ADGB: variants seen among roughly 807,000 people sequenced by gnomAD.
ADGB encodes the protein androglobin, also known as calpain-7-like protein.
A neutral mutation model predicts 210.5 loss-of-function variants in ADGB; 172 were observed. That is an observed-to-expected ratio of 0.82 (90% CI 0.72 to 0.93). The LOEUF is 0.93. ADGB is among the 40% of genes least tolerant of loss of function. The pLI is 0.00. For missense variants in ADGB, 2,025 were observed against 1,964.8 expected (o/e 1.03, Z -0.58); for synonymous variants, 658 against 662.7 (o/e 0.99, Z 0.11).
intron 13 of ADGB, among the ~76,000 whole-genome samples, chr6:146,705,189 A>T (rs915786413): frequency 6.6e-6 from 1 of 152,128 alleles, no homozygotes; most frequent in South Asian, 2.1e-4. Context: ...AGGATTTTTA[A>T]TGGGGTTTTA....
intron 26 of ADGB, among the ~76,000 whole-genome samples, chr6:146,752,175 G>T (rs1389936066): frequency 2.6e-5 from 4 of 152,060 alleles, no homozygotes; most frequent in Non-Finnish European, 5.9e-5. Context: ...AGTGTCTAGG[G>T]AGGCCTCAGG....
chr6:146,742,860 A>G (rs1777179666), intron 25 of ADGB, among the ~76,000 whole-genome samples: 1 of 152,176 alleles, frequency 6.6e-6, no homozygotes, highest in Non-Finnish European at 1.5e-5. Context: ...AAACTTTCTT[A>G]AAACACTATG....
intron 13 of ADGB, among the ~76,000 whole-genome samples, chr6:146,713,485 G>A: frequency 6.6e-6 from 1 of 152,180 alleles, no homozygotes; most frequent in South Asian, 2.1e-4. Context: ...TATTCCTCTA[G>A]TGATTCATGA....
At chr6:146,711,739 G>A (rs1453637251) in intron 13 of ADGB, among the ~76,000 whole-genome samples, 1 of 152,002 alleles carries the variant, frequency 6.6e-6, no homozygotes, top group Non-Finnish European at 1.5e-5. Context: ...ATTTAAAGAT[G>A]ACATTCTGGG....
chr6:146,775,426 T>A (rs972643407), intron 29 of ADGB, among the ~76,000 whole-genome samples: 4 of 152,106 alleles, frequency 2.6e-5, no homozygotes, highest in Admixed American at 2.0e-4. Flanking sequence ...AAACCTAAGT[T>A]TTGGTAAAAA....
intron 9 of ADGB, among the ~76,000 whole-genome samples, chr6:146,681,802 G>A (rs1776162034): frequency 6.6e-6 from 1 of 152,072 alleles, no homozygotes; most frequent in South Asian, 2.1e-4. Context: ...AAGTGGGCCG[G>A]AACACATTCG....
chr6:146,711,064 A>C (rs1055865212), intron 13 of ADGB, among the ~76,000 whole-genome samples: 3 of 151,350 alleles, frequency 2.0e-5, no homozygotes, highest in Admixed American at 6.6e-5. Flanking sequence ...GATTTAGCTC[A>C]CCTGAACTCA....
At chr6:146,744,581 C>A (rs1278245177) in intron 25 of ADGB, among the ~76,000 whole-genome samples, 3 of 152,170 alleles carry the variant, frequency 2.0e-5, no homozygotes, top group Admixed American at 6.5e-5. Context: ...TATTATTAAA[C>A]TTACTAATCT....
At chr6:146,637,345 C>T (rs768038547) in intron 2 of ADGB, among the ~76,000 whole-genome samples, 1 of 151,940 alleles carries the variant, frequency 6.6e-6, no homozygotes, top group Non-Finnish European at 1.5e-5. Context: ...TGAACCAAAA[C>T]CCCAGGGCTA....
chr6:146,615,659 G>C (rs1263585059), intron 1 of ADGB, among the ~76,000 whole-genome samples: 1 of 151,952 alleles, frequency 6.6e-6, no homozygotes, highest in Non-Finnish European at 1.5e-5. Context: ...AACTTTTTTA[G>C]CTCCCACCTA....
chr6:146,717,132 T>C, intron 15 of ADGB, 63 bp downstream of exon 15: 1 of 1,301,838 alleles, frequency 7.7e-7, no homozygotes, highest in African/African-American at 1.5e-5. Context: ...GCTGCATTAG[T>C]ATACAAAGTC....
chr6:146,624,331 T>C (rs1322157847), intron 1 of ADGB, among the ~76,000 whole-genome samples: 1 of 151,900 alleles, frequency 6.6e-6, no homozygotes, highest in Non-Finnish European at 1.5e-5. Context: ...TTTCATGGAA[T>C]TGATAACTTT....
chr6:146,701,663 T>C (rs1776491647), intron 13 of ADGB, among the ~76,000 whole-genome samples: 1 of 151,472 alleles, frequency 6.6e-6, no homozygotes, highest in African/African-American at 2.4e-5. Flanking sequence ...AACAATTTTT[T>C]AAAACTCTAA....
At chr6:146,803,722 ACC>A in intron 35 of ADGB, 1 of 982,656 alleles carries the variant, frequency 1.0e-6, no homozygotes, top group Middle Eastern at 3.2e-4. Context: ...TCTCTTAAGT[ACC>A]GGCGCCTCAT....
chr6:146,770,913 T>C (rs1013382617), intron 29 of ADGB, among the ~76,000 whole-genome samples: 1 of 152,118 alleles, frequency 6.6e-6, no homozygotes, highest in African/African-American at 2.4e-5. Flanking sequence ...TCATGGAATA[T>C]GAATTTTGCC....
At chr6:146,716,858 T>C in intron 14 of ADGB, 25 bp from the exon 15 acceptor site, 1 of 1,510,628 alleles carries the variant, frequency 6.6e-7, no homozygotes, top group South Asian at 1.3e-5. Flanking sequence ...CAATATAAGA[T>C]GTGTTTGACA....
chr6:146,660,221 T>G (rs1775836682), intron 5 of ADGB, among the ~76,000 whole-genome samples: 1 of 152,182 alleles, frequency 6.6e-6, no homozygotes, highest in Admixed American at 6.5e-5. Flanking sequence ...TTTTGTTCAT[T>G]AAATTTGAGG....
intron 1 of ADGB, among the ~76,000 whole-genome samples, chr6:146,605,246 C>T (rs533227035): frequency 2.0e-5 from 3 of 152,148 alleles, no homozygotes; most frequent in South Asian, 2.1e-4. Context: ...TGGGAGAATG[C>T]GTGATTCTTG....
rs1304686465 is a variant in ADGB, at chr6:146,691,102, T to C, written c.1312-14T>C. 13 of 1,506,976 alleles carry C rather than the reference T, an allele frequency of 8.6e-6. No individual in the cohort carries two copies. Among genetic ancestry groups the C allele is most frequent in the Non-Finnish European group, 1.2e-5 (13 of 1,128,562 alleles). 93.4% of individuals were successfully genotyped at this position (1,506,976 alleles called of 1,614,324 possible). A position where few individuals can be genotyped will look rare whatever the true frequency, so the allele number is the denominator to read the frequency against. ...TGAAGGAGAATGCTTTTCAATTTAC[T>C]TTCCATCTTCTAGGCAGATTCTGCT... is the stretch of plus-strand genomic sequence containing the variant. On this transcript the variant is annotated splice_polypyrimidine_tract_variant and intron_variant, in intron 10 of 35. Transcript: ENST00000397944.
Sources: allele counts gnomAD v4.1 joint callset (sites outside exome capture counted in the v4.1 genomes callset), GRCh38; gene constraint gnomAD v4.1.1; transcripts MANE v1.5; gene names NCBI Gene and HGNC (gene_info 2026-07-23, HGNC 2026-07-21).